The following ATF2 variants were observed in gnomAD, a reference collection of about 807,000 sequenced individuals.
ATF2 encodes activating transcription factor 2.
A neutral mutation model predicts 60.6 loss-of-function variants in ATF2; 24 were observed. That is an observed-to-expected ratio of 0.40 (90% CI 0.29 to 0.56). The LOEUF is 0.56. Ranked by LOEUF, ATF2 falls within the 20% of genes least tolerant of loss-of-function variation. The pLI is 0.54. For synonymous variants in ATF2, 206 were observed against 215.4 expected, an observed-to-expected ratio of 0.96 and a Z score of 0.38; for missense variants, 433 against 607.7, an observed-to-expected ratio of 0.71 and a Z score of 3.02.
intron 13 of ATF2, 129 bp downstream of exon 13, chr2:175,080,531 T>C: frequency 1.4e-6 from 1 of 690,794 alleles, no homozygotes; most frequent in Non-Finnish European, 2.3e-6. Context: ...ATAATAACCT[T>C]ACAGAAATTC....
chr2:175,150,835 T>C (rs1699265792), intron 2 of ATF2, among the ~76,000 whole-genome samples: 1 of 152,172 alleles, frequency 6.6e-6, no homozygotes, highest in Admixed American at 6.5e-5. Context: ...ATATTTAACC[T>C]AAGTCCTCAT....
At chr2:175,096,329 T>A (rs1198866124) in intron 11 of ATF2, among the ~76,000 whole-genome samples, 5 of 152,208 alleles carry the variant, frequency 3.3e-5, no homozygotes, top group African/African-American at 1.2e-4. Flanking sequence ...TATAAATAGC[T>A]GCCATAAAGC....
At chr2:175,092,101 T>G (rs1168974638) in intron 12 of ATF2, among the ~76,000 whole-genome samples, 1 of 152,144 alleles carries the variant, frequency 6.6e-6, no homozygotes, top group Non-Finnish European at 1.5e-5. Context: ...TTAAAAAAAT[T>G]TAAATTATAA....
At position 175,077,386 on chromosome 2, in the gene ATF2, A is replaced by G. The variant is rs527343174; in HGVS notation, c.1292-2551T>C. Among the ~76,000 whole-genome samples, 7 of 152,288 alleles carry G rather than the reference A, an allele frequency of 4.6e-5. No individual in the cohort carries two copies. The East Asian group carries it at 1.4e-3, about 29-fold the overall frequency. On this transcript the variant is annotated intron_variant, in intron 13 of 13. Transcript: ENST00000264110. ...AGGAATCGCCACACTGACTTCCACA[A>G]TGGTTGAACTAGTTTACAGTCCCAC... is the stretch of plus-strand genomic sequence containing the variant.
intron 2 of ATF2, among the ~76,000 whole-genome samples, chr2:175,141,056 T>C (rs1452816060): frequency 7.9e-6 from 1 of 127,076 alleles, no homozygotes; most frequent in Non-Finnish European, 1.6e-5. Flanking sequence ...TATATATGTA[T>C]ATATATATGT....
Position 175,118,313 on chromosome 2 carries a change from T to G in ATF2, c.256A>C (p.Asn86His), listed in dbSNP as rs1164266829. Residue 86 changes from asparagine (N) to histidine (H), a missense_variant, in exon 6 of 14, where the codon AAT becomes CAT. Transcript: ENST00000264110. ...LKNCEEVGLFNELASPFENEF... is the reference protein window; with the variant it reads ...LKNCEEVGLFHELASPFENEF... ...TTCTCAAATGGACTCGCCAACTCAT[T>G]AAACAAACCCACTTCTTCACAGTTT... 6.2e-7 allele frequency: 1 copy of G among 1,610,976 alleles called. No individual in the cohort carries two copies. Among genetic ancestry groups the G allele is most frequent in the African/African-American group, 1.3e-5 (1 of 74,780 alleles).
chr2:175,138,593 T>C (rs879283588), intron 2 of ATF2, among the ~76,000 whole-genome samples: 3 of 152,214 alleles, frequency 2.0e-5, no homozygotes, highest in Admixed American at 2.0e-4. Context: ...AGTATCAGAC[T>C]GCCTGCCATC....
intron 10 of ATF2, among the ~76,000 whole-genome samples, chr2:175,104,264 T>G (rs1462400111): frequency 6.6e-6 from 1 of 152,182 alleles, no homozygotes; most frequent in Admixed American, 6.5e-5. Flanking sequence ...TAACCACAGG[T>G]CATTTTAGCA....
chr2:175,096,014 C>A (rs887171209), intron 11 of ATF2, among the ~76,000 whole-genome samples: 1 of 152,122 alleles, frequency 6.6e-6, no homozygotes, highest in African/African-American at 2.4e-5. Flanking sequence ...TGGATGACAA[C>A]CACAACTACA....
At chr2:175,133,088 CAA>C (rs796108304) in intron 3 of ATF2, among the ~76,000 whole-genome samples, 5 of 123,804 alleles carry the variant, frequency 4.0e-5, no homozygotes, top group Admixed American at 8.3e-5. Context: ...GACTCTGTCT[CAA>C]AAAAAAAAAA....
In ATF2 at chr2:175,096,688, T is replaced by C. The variant is rs185103433; in HGVS notation, c.978+756A>G. On this transcript the variant is annotated intron_variant, in intron 11 of 13. Transcript: ENST00000264110. ...GATATGCATTGTAATCATAAACATA[T>C]GGCATTTTAGGAAAAAGGAAAATCA... Among the ~76,000 whole-genome samples the C allele has an allele frequency of 5.4e-4, 82 of 152,296 alleles. 1 individual carries two copies. Among genetic ancestry groups the C allele is most frequent in the African/African-American group, 1.5e-3 (61 of 41,572 alleles).
At chr2:175,163,535 A>G (rs1700151769) in intron 1 of ATF2, among the ~76,000 whole-genome samples, 1 of 152,202 alleles carries the variant, frequency 6.6e-6, no homozygotes, top group South Asian at 2.1e-4. Flanking sequence ...TATCTTTGTT[A>G]AGATACAGAA....
chr2:175,154,234 A>AATATATAT (rs372519893), intron 1 of ATF2, among the ~76,000 whole-genome samples: 2 of 131,624 alleles, frequency 1.5e-5, no homozygotes, highest in African/African-American at 5.6e-5. Context: ...AGAAAAAAAA[A>AATATATAT]ATATATATAT....
At chr2:175,125,720 T>C (rs768096585) in intron 4 of ATF2, among the ~76,000 whole-genome samples, 20 of 152,262 alleles carry the variant, frequency 1.3e-4, no homozygotes, top group Admixed American at 2.0e-4. Flanking sequence ...CAAGCAATAG[T>C]GACTTAAAGC....
intron 2 of ATF2, among the ~76,000 whole-genome samples, chr2:175,142,695 G>C (rs1298572904): frequency 1.9e-5 from 2 of 104,442 alleles, no homozygotes; most frequent in Admixed American, 2.4e-4. Context: ...AAGAGAGAGA[G>C]AGAGAGAGAG....
intron 12 of ATF2, among the ~76,000 whole-genome samples, chr2:175,083,840 G>A (rs1693943780): frequency 6.6e-6 from 1 of 152,154 alleles, no homozygotes; most frequent in Non-Finnish European, 1.5e-5. Context: ...CAAAGGATAT[G>A]AACAGACACT....
At chr2:175,160,239 G>A (rs1180901776) in intron 1 of ATF2, among the ~76,000 whole-genome samples, 1 of 152,090 alleles carries the variant, frequency 6.6e-6, no homozygotes, top group African/African-American at 2.4e-5. Context: ...TAAAAAATTA[G>A]CTGGGTATAG....
At chr2:175,085,351 G>A (rs1416658511) in intron 12 of ATF2, among the ~76,000 whole-genome samples, 8 of 151,760 alleles carry the variant, frequency 5.3e-5, no homozygotes, top group Non-Finnish European at 2.9e-5. Flanking sequence ...CCTGGCCAAC[G>A]TGGTGAAACC....
At chr2:175,084,645 AAAAAAAAAAAAGTT>A (rs1266740143) in intron 12 of ATF2, among the ~76,000 whole-genome samples, 4 of 142,086 alleles carry the variant, frequency 2.8e-5, no homozygotes, top group African/African-American at 1.2e-4. Flanking sequence ...AAAGTATAAA[AAAAAAAAAAAAGTT>A]AAAAAAAAAA....
Sources: allele counts gnomAD v4.1 joint callset (sites outside exome capture counted in the v4.1 genomes callset), GRCh38; gene constraint gnomAD v4.1.1; transcripts MANE v1.5; gene names NCBI Gene and HGNC (gene_info 2026-07-23, HGNC 2026-07-21).